Variants in PLD5 observed in about 807,000 individuals in gnomAD.
PLD5 encodes inactive phospholipase D5.
Under a neutral mutation model 61.1 loss-of-function variants are expected in PLD5, and 36 were observed. The ratio of observed to expected loss-of-function variants is 0.59; its 90% CI spans 0.45 to 0.78. The LOEUF (loss-of-function observed/expected upper bound fraction) is 0.78. Among genes scored for constraint, PLD5 ranks in the 30% least tolerant of loss-of-function variants. The pLI, the probability that PLD5 is intolerant of heterozygous loss-of-function variation, is 0.00. For synonymous variants in PLD5, 243 were observed against 242.8 expected (o/e 1.00, Z -0.01); for missense variants, 515 against 644.4 (o/e 0.80, Z 2.17).
upstream of PLD5, among the ~76,000 whole-genome samples, chr1:242,529,474 T>G (rs12756375): frequency 0.16 from 25,024 of 152,026 alleles, 2,255 homozygotes; most frequent in African/African-American, 0.24. Context: ...ATGTTACAGA[T>G]GAGGAAACAA....
At chr1:242,321,172 GA>G (rs1457715449) in intron 2 of PLD5, among the ~76,000 whole-genome samples, 1 of 152,000 alleles carries the variant, frequency 6.6e-6, no homozygotes, top group Admixed American at 6.6e-5. Context: ...GACACCTACA[GA>G]AAATCTAAAT....
intron 3 of PLD5, among the ~76,000 whole-genome samples, chr1:242,273,390 A>C (rs1231721525): frequency 6.6e-6 from 1 of 152,174 alleles, no homozygotes; most frequent in Non-Finnish European, 1.5e-5. Flanking sequence ...TATTTTTATC[A>C]ATAAAAAGAC....
chr1:242,391,435 T>G (rs1020165264), intron 1 of PLD5, among the ~76,000 whole-genome samples: 4 of 152,180 alleles, frequency 2.6e-5, no homozygotes, highest in Non-Finnish European at 5.9e-5. Context: ...AAGGATATTT[T>G]AAACACACAA....
intron 1 of PLD5, among the ~76,000 whole-genome samples, chr1:242,371,199 TAGAAGGAAC>T (rs1329833890): frequency 6.6e-6 from 1 of 152,134 alleles, no homozygotes; most frequent in Non-Finnish European, 1.5e-5. Context: ...CTCCTTATTT[TAGAAGGAAC>T]ACACACACGC....
At chr1:242,317,074 C>A (rs943402261) in intron 2 of PLD5, among the ~76,000 whole-genome samples, 2 of 151,004 alleles carry the variant, frequency 1.3e-5, no homozygotes, top group Non-Finnish European at 2.9e-5. Flanking sequence ...ATGATGCAAT[C>A]TTGGCTCACT....
At chr1:242,384,013 C>A (rs1475815903) in intron 1 of PLD5, among the ~76,000 whole-genome samples, 1 of 152,198 alleles carries the variant, frequency 6.6e-6, no homozygotes, top group African/African-American at 2.4e-5. Flanking sequence ...CTAGAGGAAT[C>A]CGCTGCAAAA....
intron 1 of PLD5, among the ~76,000 whole-genome samples, chr1:242,523,736 T>C (rs566939348): frequency 1.9e-4 from 29 of 152,310 alleles, no homozygotes; most frequent in East Asian, 3.9e-4. Context: ...CCCACTACCA[T>C]GCAACGCCAG....
intron 5 of PLD5, among the ~76,000 whole-genome samples, chr1:242,181,904 G>T (rs1411460825): frequency 1.3e-5 from 2 of 152,140 alleles, no homozygotes; most frequent in East Asian, 3.8e-4. Context: ...ACCTCCCAAA[G>T]TGCTGGGAAA....
intron 1 of PLD5, among the ~76,000 whole-genome samples, chr1:242,397,118 C>T (rs769339050): frequency 6.6e-6 from 1 of 152,086 alleles, no homozygotes; most frequent in Admixed American, 6.6e-5. Flanking sequence ...AATCGTCTCA[C>T]CTAATATCAT....
chr1:242,315,632 A>T (rs1676961998), intron 2 of PLD5, among the ~76,000 whole-genome samples: 1 of 152,146 alleles, frequency 6.6e-6, no homozygotes, highest in Admixed American at 6.5e-5. Context: ...TGCCTTGACA[A>T]CTTACTGGAG....
At chr1:242,203,958 C>T (rs148758425) in intron 5 of PLD5, among the ~76,000 whole-genome samples, 2,010 of 152,082 alleles carry the variant, frequency 0.013, 26 homozygotes, top group Non-Finnish European at 0.02. Flanking sequence ...AGTCTTAGGC[C>T]GGTTGCGGTG....
At chr1:242,345,800 A>G (rs1660095580) in intron 2 of PLD5, 2 of 476,022 alleles carry the variant, frequency 4.2e-6, no homozygotes, top group African/African-American at 2.0e-5. Flanking sequence ...AAGGAAATGC[A>G]GCAACCCTAC....
intron 1 of PLD5, among the ~76,000 whole-genome samples, chr1:242,391,680 T>C (rs12093727): frequency 0.017 from 2,583 of 152,208 alleles, 83 homozygotes; most frequent in African/African-American, 0.06. Context: ...ATCCACCTTA[T>C]GGAAAGGAAA....
At position 242,288,345 on chromosome 1, in the gene PLD5, C is replaced by G. The variant is rs368210855; in HGVS notation, c.495+17G>C. On this transcript the variant is annotated intron_variant, in intron 3 of 9. Transcript: ENST00000536534. The stretch of plus-strand genomic sequence containing the variant: ...CACATAAGTAAAATCATCACACACA[C>G]AGAGGATGTAGCTTACCTGACATGC... 1.9e-6 allele frequency: 3 copies of G among 1,605,786 alleles called. No homozygotes were observed. Among genetic ancestry groups the G allele is most frequent in the Non-Finnish European group, 2.5e-6 (3 of 1,178,150 alleles).
At position 242,461,052 on chromosome 1, in the gene PLD5, A is replaced by G. The variant is rs181471703; in HGVS notation, c.189+63036T>C. Among the ~76,000 whole-genome samples, 606 of 152,196 alleles carry G rather than the reference A, an allele frequency of 4.0e-3. 1 individual carries two copies. Among genetic ancestry groups the G allele is most frequent in the Middle Eastern group, 0.017 (5 of 294 alleles). On this transcript the variant is annotated intron_variant, in intron 1 of 9. Coordinates refer to ENST00000536534, the MANE Select transcript of PLD5 (RefSeq NM_001372062.1). ...GGTACTCAAGAGGCTGAGGCAGGAG[A>G]ATCACTTGAACCCAGGAGGCAGAGG...
intron 1 of PLD5, among the ~76,000 whole-genome samples, chr1:242,447,318 A>G (rs1211410678): frequency 6.6e-6 from 1 of 152,230 alleles, no homozygotes; most frequent in Admixed American, 6.5e-5. Flanking sequence ...GAGGTCAAGG[A>G]GAGTGTTTTA....
At chr1:242,514,251 C>T (rs916956242) in intron 1 of PLD5, among the ~76,000 whole-genome samples, 2 of 152,198 alleles carry the variant, frequency 1.3e-5, no homozygotes, top group Non-Finnish European at 2.9e-5. Context: ...TAAGTCACTG[C>T]TCTCCCAAAC....
intron 1 of PLD5, among the ~76,000 whole-genome samples, chr1:242,403,969 C>T (rs1035607848): frequency 6.6e-6 from 1 of 152,186 alleles, no homozygotes. Flanking sequence ...GCATCCCCCA[C>T]CTCACTTGGC....
chr1:242,471,671 G>A (rs554551373), intron 1 of PLD5, among the ~76,000 whole-genome samples: 97 of 152,060 alleles, frequency 6.4e-4, no homozygotes, highest in Non-Finnish European at 1.1e-3. Flanking sequence ...AAGAAGTACC[G>A]TAAATACTAG....
Sources: allele counts gnomAD v4.1 joint callset (sites outside exome capture counted in the v4.1 genomes callset), GRCh38; gene constraint gnomAD v4.1.1; transcripts MANE v1.5; gene names NCBI Gene and HGNC (gene_info 2026-07-23, HGNC 2026-07-21).